Variants in PEX14 observed in about 807,000 individuals in gnomAD.
The protein encoded by PEX14 is peroxisomal biogenesis factor 14.
PEX14 carries 15 observed loss-of-function variants against 49.5 expected under a neutral mutation model. The ratio of observed to expected loss-of-function variants is 0.30; its 90% CI spans 0.20 to 0.47. The LOEUF (loss-of-function observed/expected upper bound fraction) is 0.47, where lower values mean the gene tolerates loss of function less well. PEX14 is among the 20% of genes least tolerant of loss of function. The probability of loss-of-function intolerance (pLI) is 1.00; values close to 1 mark genes in which losing one functional copy is unlikely to be tolerated. For synonymous variants in PEX14, 210 were observed against 212.7 expected (o/e 0.99, Z 0.11); for missense variants, 398 against 494.8 (o/e 0.80, Z 1.86).
At chr1:10,596,101 C>T (rs1245093998) in intron 3 of PEX14, among the ~76,000 whole-genome samples, 1 of 152,186 alleles carries the variant, frequency 6.6e-6, no homozygotes, top group African/African-American at 2.4e-5. Context: ...GCACCAAGAG[C>T]CAATGACTGG....
At chr1:10,602,609 A>G (rs1254381721) in intron 4 of PEX14, among the ~76,000 whole-genome samples, 2 of 152,266 alleles carry the variant, frequency 1.3e-5, no homozygotes, top group Non-Finnish European at 2.9e-5. Context: ...ATGCTCCAAA[A>G]TGAACCCCAG....
intron 2 of PEX14, among the ~76,000 whole-genome samples, chr1:10,497,049 G>T (rs1213369218): frequency 6.6e-6 from 1 of 151,528 alleles, no homozygotes; most frequent in African/African-American, 2.4e-5. Context: ...GGTAATTAGG[G>T]CCCTATTAAA....
intron 1 of PEX14, among the ~76,000 whole-genome samples, chr1:10,482,795 T>A (rs1641304748): frequency 1.3e-5 from 2 of 152,246 alleles, no homozygotes; most frequent in Admixed American, 1.3e-4. Context: ...CAAATAGTAC[T>A]GCTGTGAAAA....
intron 1 of PEX14, among the ~76,000 whole-genome samples, chr1:10,485,881 T>A (rs61137366): frequency 0.016 from 2,440 of 150,080 alleles, 119 homozygotes; most frequent in African/African-American, 0.058. Context: ...TCAGACTCCC[T>A]AGTAGCTGAG....
At chr1:10,523,231 A>G (rs1038675715) in intron 2 of PEX14, among the ~76,000 whole-genome samples, 2 of 152,186 alleles carry the variant, frequency 1.3e-5, no homozygotes, top group Non-Finnish European at 2.9e-5. Flanking sequence ...TGGATACCAG[A>G]TAACTAAGCT....
intron 3 of PEX14, among the ~76,000 whole-genome samples, chr1:10,579,604 G>A (rs903073923): frequency 4.6e-5 from 7 of 152,160 alleles, no homozygotes; most frequent in Non-Finnish European, 7.3e-5. Context: ...CCTGGGAGCT[G>A]CTGGTTGCCC....
rs149265608 is a variant in PEX14, at chr1:10,629,614, C to T, written c.761C>T (p.Ala254Val). 8.1e-6 allele frequency: 13 copies of T among 1,613,676 alleles called. No individual in the cohort carries two copies. Among genetic ancestry groups the T allele is most frequent in the Middle Eastern group, 3.3e-4 (2 of 6,082 alleles). ...AAGTCACCGTCACCCTCCAGCCCTG[C>T]GGCCGTGAACCACCACAGCAGCAGC... ...PVKSPSPSSP[A>V]AVNHHSSSDI... The change falls in exon 9 of 9, where the codon GCG becomes GTG. Residue 254 changes from alanine to valine, a missense_variant. Transcript: ENST00000356607. The surrounding 1 kb of genome is among the most constrained non-coding windows in gnomAD (Gnocchi z 8.5).
chr1:10,598,781 G>A (rs1024875640), intron 3 of PEX14, among the ~76,000 whole-genome samples: 6 of 151,846 alleles, frequency 4.0e-5, no homozygotes, highest in African/African-American at 7.3e-5. Context: ...AATTATTCCC[G>A]TCTTCAGAAA....
At chr1:10,604,511 T>C (rs1396125251) in intron 4 of PEX14, among the ~76,000 whole-genome samples, 2 of 152,046 alleles carry the variant, frequency 1.3e-5, no homozygotes, top group Non-Finnish European at 2.9e-5. Context: ...CTTGGGAGGC[T>C]GAGGTGGGAG....
intron 3 of PEX14, among the ~76,000 whole-genome samples, chr1:10,583,623 T>C (rs1337889223): frequency 6.7e-6 from 1 of 149,224 alleles, no homozygotes. Context: ...AATGCAATGG[T>C]AGAGTGGGAG....
intron 3 of PEX14, among the ~76,000 whole-genome samples, chr1:10,540,865 G>A (rs1638983140): frequency 6.6e-6 from 1 of 152,072 alleles, no homozygotes; most frequent in Admixed American, 6.5e-5. Flanking sequence ...CTCTGTGAGG[G>A]GCTGTCTGGC....
chr1:10,486,853 A>AT (rs1379448914), intron 1 of PEX14, among the ~76,000 whole-genome samples: 1 of 151,780 alleles, frequency 6.6e-6, no homozygotes. Context: ...TGCTTGGCTA[A>AT]TTTTTTTGTG....
chr1:10,529,927 C>T lies in PEX14; in HGVS notation c.85-6286C>T, dbSNP rs960986728. Among the ~76,000 whole-genome samples, 1 of 152,122 alleles carries T rather than the reference C, an allele frequency of 6.6e-6. No individual in the cohort carries two copies. Among genetic ancestry groups the T allele is most frequent in the Non-Finnish European group, 1.5e-5 (1 of 68,026 alleles). ...AATGGGAAGGACACAGTGACAAAAC[C>T]CAGGAAATTCCAAGTCGAAAGAGAG... On this transcript the variant is annotated intron_variant, in intron 2 of 8. Transcript: ENST00000356607. This position sits in a 1 kb window ranked among gnomAD's most constrained non-coding sequence, Gnocchi z 4.2.
intron 1 of PEX14, among the ~76,000 whole-genome samples, chr1:10,480,460 C>A (rs1641264820): frequency 7.2e-6 from 1 of 139,000 alleles, no homozygotes; most frequent in Non-Finnish European, 1.5e-5. Flanking sequence ...GTGGCACAAT[C>A]TCGGCTCACT....
intron 3 of PEX14, among the ~76,000 whole-genome samples, chr1:10,557,943 T>C (rs1185208158): frequency 6.6e-6 from 1 of 152,156 alleles, no homozygotes; most frequent in African/African-American, 2.4e-5. Context: ...AACTGGATAG[T>C]CTCAGCACCA....
rs1406188948 is a variant in PEX14, at chr1:10,577,541, TATATATATATATATATATATA to T, written c.170-21696_170-21676del. Among the ~76,000 whole-genome samples, 10 of 3,130 alleles carry T rather than the reference TATATATATATATATATATATA, an allele frequency of 3.2e-3. 2 individuals carry two copies. In the East Asian group the frequency reaches 0.15, roughly 46 times the overall value. 2.1% of individuals were successfully genotyped at this position (3,130 alleles called of 152,430 possible). ...TTTGGACACTATACATATATATATA[TATATATATATATATATATATA>T]TTTTTTTTTTTTTTTTTTTTTTTTT... On this transcript the variant is annotated intron_variant, in intron 3 of 8. Coordinates refer to ENST00000356607, the MANE Select transcript of PEX14 (RefSeq NM_004565.3).
At chr1:10,533,960 C>T (rs908997471) in intron 2 of PEX14, among the ~76,000 whole-genome samples, 5 of 152,140 alleles carry the variant, frequency 3.3e-5, no homozygotes, top group Non-Finnish European at 7.3e-5. Flanking sequence ...ATGCATATAC[C>T]AAGGACTATA....
In PEX14 at chr1:10,629,888, G is replaced by A; in HGVS notation, c.1035G>A (p.Val345=). Residue 345 remains valine (V), a synonymous_variant, in exon 9 of 9, where the codon GTG becomes GTA. Transcript: ENST00000356607. This position sits in a 1 kb window ranked among gnomAD's most constrained non-coding sequence, Gnocchi z 8.5. ...SHVDEEDCLG[V]QREDRRGGDG... ...TGGACGAGGAGGACTGCCTGGGGGT[G>A]CAGAGGGAGGACCGCCGGGGCGGGG... 1 of 1,612,932 alleles carries A rather than the reference G, an allele frequency of 6.2e-7. No homozygotes were observed. The highest frequency in any genetic ancestry group is 8.5e-7 in the Non-Finnish European group (1 of 1,179,420).
intron 2 of PEX14, among the ~76,000 whole-genome samples, chr1:10,513,290 G>A (rs553620540): frequency 2.2e-4 from 33 of 152,260 alleles, no homozygotes; most frequent in African/African-American, 7.7e-4. Context: ...TGCTATCCCT[G>A]ATTCTAGAAA....
Sources: gnomAD v4.1 joint callset for allele counts (sites outside exome capture counted in the v4.1 genomes callset) on GRCh38, gnomAD v4.1.1 for gene constraint, Gnocchi (gnomAD v3.1) non-coding constraint, MANE v1.5 for transcripts, NCBI Gene and HGNC (gene_info 2026-07-23, HGNC 2026-07-21) for gene names.